Variants in LMOD2 observed in about 807,000 individuals in gnomAD.
LMOD2 encodes leiomodin 2.
A neutral mutation model predicts 41.7 loss-of-function variants in LMOD2; 27 were observed. That is an observed-to-expected ratio of 0.65 (90% confidence interval 0.48 to 0.89). The LOEUF is 0.89. Among genes scored for constraint, LMOD2 ranks in the 40% least tolerant of loss-of-function variants. LMOD2 has a pLI of 0.00. For synonymous variants in LMOD2, 251 were observed against 244.6 expected, an observed-to-expected ratio of 1.03 and a Z score of -0.25; for missense variants, 624 against 667.9, an observed-to-expected ratio of 0.93 and a Z score of 0.72.
chr7:123,662,464 A>T lies in LMOD2; in HGVS notation c.878A>T (p.Gln293Leu), dbSNP rs1802893286. 1 of 1,613,882 alleles carries T rather than the reference A, an allele frequency of 6.2e-7. No homozygotes were observed. The highest frequency in any genetic ancestry group is 1.3e-5 in the African/African-American group (1 of 74,930). The change falls in exon 2 of 3, where the codon CAG (glutamine) becomes CTG (leucine). Residue 293 changes from glutamine (Q) to leucine (L), a missense_variant. By Grantham distance (113) the Gln-to-Leu change is moderately radical. Coordinates refer to ENST00000458573, the MANE Select transcript of LMOD2 (RefSeq NM_207163.3). This position sits in a 1 kb window ranked among gnomAD's most constrained non-coding sequence, Gnocchi z 4.0. ...KGILAIMRAL[Q>L]HNTVLTELRF... ...ATCCTGGCCATCATGAGAGCTCTCC[A>T]GCACAACACGGTGCTCACGGAGCTG...
At chr7:123,656,276 C>G in intron 1 of LMOD2, 40 bp downstream of exon 1, 1 of 1,553,192 alleles carries the variant, frequency 6.4e-7, no homozygotes, top group Non-Finnish European at 8.7e-7. Context: ...CCCCACCTCC[C>G]CATCACCCCA....
At chr7:123,659,105 G>A (rs1802835783) in intron 1 of LMOD2, among the ~76,000 whole-genome samples, 1 of 152,196 alleles carries the variant, frequency 6.6e-6, no homozygotes, top group South Asian at 2.1e-4. Context: ...TACTTTGAAT[G>A]TGATATGTAC....
chr7:123,661,064 C>A (rs1049663296), intron 1 of LMOD2, among the ~76,000 whole-genome samples: 3 of 152,128 alleles, frequency 2.0e-5, no homozygotes, highest in Middle Eastern at 3.2e-3. Flanking sequence ...AGTTGATTTT[C>A]CCAAAAGGGT....
intron 1 of LMOD2, among the ~76,000 whole-genome samples, chr7:123,661,174 T>C (rs1343617116): frequency 6.6e-6 from 1 of 152,188 alleles, no homozygotes; most frequent in Admixed American, 6.5e-5. Flanking sequence ...AAGGGACAGC[T>C]ACAGAGGCAG....
chr7:123,657,397 T>C (rs991110527), intron 1 of LMOD2, among the ~76,000 whole-genome samples: 4 of 152,164 alleles, frequency 2.6e-5, no homozygotes, highest in African/African-American at 9.7e-5. Flanking sequence ...ATCTTGATGA[T>C]AGGGTTATCT....
chr7:123,660,294 C>T (rs1174659942), intron 1 of LMOD2, among the ~76,000 whole-genome samples: 2 of 145,468 alleles, frequency 1.4e-5, no homozygotes, highest in East Asian at 2.1e-4. Context: ...CTTTCTCTCT[C>T]TCTCTCTCTC....
rs1422636199 is a variant in LMOD2, at chr7:123,660,607, AATATAGAG to A, written c.274-1251_274-1244del. Among the ~76,000 whole-genome samples, 7 of 152,130 alleles carry A rather than the reference AATATAGAG, an allele frequency of 4.6e-5. No homozygotes were observed. The East Asian group carries it at 1.4e-3, about 29-fold the overall frequency. On this transcript the variant is annotated intron_variant, in intron 1 of 2. Transcript: ENST00000458573. ...CGAGGTCAAAAAAAAAAAAGTTGCC[AATATAGAG>A]AGAAGAATCAGGGCCTGGAGGACAG...
Position 123,664,121 on chromosome 7 carries a change from G to A in LMOD2, c.*376G>A, listed in dbSNP as rs1342831848. 5.4e-6 allele frequency: 1 copy of A among 185,778 alleles called. No homozygotes were observed. The highest frequency in any genetic ancestry group is 2.4e-5 in the African/African-American group (1 of 42,444). 11.5% of individuals were successfully genotyped at this position (185,778 alleles called of 1,614,324 possible). Reference sequence around the variant, plus strand: ...TTTAAAGCCAAACTAATATTTTTCTGTGACTTGATACATCTGTCAGATTTT... The same window carrying A: ...TTTAAAGCCAAACTAATATTTTTCTATGACTTGATACATCTGTCAGATTTT... On this transcript the variant is annotated 3_prime_UTR_variant, in exon 3 of 3. Coordinates refer to ENST00000458573, the MANE Select transcript of LMOD2 (RefSeq NM_207163.3).
rs565901664 is a variant in LMOD2, at chr7:123,664,205, T to C, written c.*460T>C. On this transcript the variant is annotated 3_prime_UTR_variant, in exon 3 of 3. Coordinates refer to ENST00000458573, the MANE Select transcript of LMOD2 (RefSeq NM_207163.3). The stretch of plus-strand genomic sequence containing the variant: ...CCCTTTTTTTAAAAAGCCAAACTAA[T>C]ATTTTTCTGTGAGTTAATACATCTG... 6.4e-6 allele frequency: 1 copy of C among 155,812 alleles called. No individual in the cohort carries two copies. The highest frequency in any genetic ancestry group is 2.4e-5 in the African/African-American group (1 of 41,598). 9.7% of individuals were successfully genotyped at this position (155,812 alleles called of 1,614,324 possible).
intron 1 of LMOD2, 150 bp from the exon 2 acceptor site, chr7:123,661,710 T>C (rs1802875948): frequency 2.1e-6 from 1 of 484,430 alleles, no homozygotes; most frequent in Non-Finnish European, 3.6e-6. Context: ...GCCTTGGTCA[T>C]GAGAACTAGA....
intron 1 of LMOD2, among the ~76,000 whole-genome samples, chr7:123,660,286 T>TC (rs1802853446): frequency 8.1e-6 from 1 of 123,784 alleles, no homozygotes; most frequent in African/African-American, 3.2e-5. Flanking sequence ...TTCTCTCTCT[T>TC]TCTCTCTCTC....
At chr7:123,657,811 CAAA>C (rs1009900124) in intron 1 of LMOD2, among the ~76,000 whole-genome samples, 7 of 36,002 alleles carry the variant, frequency 1.9e-4, no homozygotes, top group African/African-American at 7.6e-4. Context: ...CTCATCTCTA[CAAA>C]AAAAAAAAAA....
intron 1 of LMOD2, among the ~76,000 whole-genome samples, chr7:123,659,479 C>A (rs1802840192): frequency 6.6e-6 from 1 of 152,206 alleles, no homozygotes; most frequent in Non-Finnish European, 1.5e-5. Flanking sequence ...TTGTCCGGAA[C>A]TATCTAGATT....
At chr7:123,661,784 A>T in intron 1 of LMOD2, 76 bp from the exon 2 acceptor site, 1 of 943,692 alleles carries the variant, frequency 1.1e-6, no homozygotes, top group Non-Finnish European at 1.5e-6. Flanking sequence ...GCCATGTGCT[A>T]CTTTTGCAAG....
rs1026081853 is a variant in LMOD2 at position 123,664,059 on chromosome 7, A to G, written c.*314A>G. ...TCATGAAATGTGCTGTTATTTTTGT[A>G]ATCTCAATAAATGTGGATTGAAGTT... is the stretch of plus-strand genomic sequence containing the variant. On this transcript the variant is annotated 3_prime_UTR_variant, in exon 3 of 3. Coordinates refer to ENST00000458573, the MANE Select transcript of LMOD2 (RefSeq NM_207163.3). The G allele has an allele frequency of 9.5e-5, 27 of 283,634 alleles. No homozygotes were observed. Among genetic ancestry groups the G allele is most frequent in the African/African-American group, 5.9e-4 (27 of 45,910 alleles). The allele number at this position is 283,634 out of a possible 1,614,324, so 17.6% of individuals were successfully genotyped here. A position where few individuals can be genotyped will look rare whatever the true frequency, so the allele number is the denominator to read the frequency against.
Position 123,662,184 on chromosome 7 carries a change from G to A in LMOD2, c.598G>A (p.Glu200Lys). 1 of 1,613,964 alleles carries A rather than the reference G, an allele frequency of 6.2e-7. No homozygotes were observed. Among genetic ancestry groups the A allele is most frequent in the Non-Finnish European group, 8.5e-7 (1 of 1,179,888 alleles). Residue 200 changes from glutamate (E) to lysine (K), a missense_variant, in exon 2 of 3, where the codon GAG becomes AAG. Transcript: ENST00000458573. The surrounding 1 kb of genome is among the most constrained non-coding windows in gnomAD (Gnocchi z 4.0). ...CCCTTGTGGAAATCCTACAGTGATTGAGGACGCTTTGGACAAGATTAAAAG... is the reference window on the plus strand; with the variant it reads ...CCCTTGTGGAAATCCTACAGTGATTAAGGACGCTTTGGACAAGATTAAAAG... ...IHPCGNPTVIEDALDKIKSND... is the reference protein window; with the variant it reads ...IHPCGNPTVIKDALDKIKSND...
chr7:123,657,074 T>C (rs1412646598), intron 1 of LMOD2, among the ~76,000 whole-genome samples: 1 of 152,176 alleles, frequency 6.6e-6, no homozygotes, highest in Non-Finnish European at 1.5e-5. Flanking sequence ...ATGGTGATCC[T>C]GAGGTTAGGA....
chr7:123,663,461 A>G (rs1237136182), intron 2 of LMOD2: 3 of 605,258 alleles, frequency 5.0e-6, no homozygotes, highest in South Asian at 2.2e-5. Flanking sequence ...ACACGTCCCA[A>G]TTCCCTTAAG....
chr7:123,661,400 A>G (rs1184701274), intron 1 of LMOD2, among the ~76,000 whole-genome samples: 1 of 152,196 alleles, frequency 6.6e-6, no homozygotes, highest in Non-Finnish European at 1.5e-5. Context: ...AACATATTGT[A>G]TATTTTTGTT....
Sources: allele counts gnomAD v4.1 joint callset (sites outside exome capture counted in the v4.1 genomes callset), GRCh38; gene constraint gnomAD v4.1.1; non-coding constraint Gnocchi (gnomAD v3.1); transcripts MANE v1.5; gene names NCBI Gene and HGNC (gene_info 2026-07-23, HGNC 2026-07-21).